Variants in TMEM106B observed in about 807,000 individuals in gnomAD.
The protein encoded by TMEM106B is transmembrane protein 106B.
A neutral mutation model predicts 31.1 loss-of-function variants in TMEM106B; 15 were observed. The observed-to-expected ratio is 0.48, with a 90% CI of 0.32 to 0.74. The LOEUF (loss-of-function observed/expected upper bound fraction) is 0.74. TMEM106B is among the 30% of genes least tolerant of loss of function. The pLI, the probability that TMEM106B is intolerant of heterozygous loss-of-function variation, is 0.03. For synonymous variants in TMEM106B, 126 were observed against 112.5 expected (o/e 1.12, Z -0.76); for missense variants, 283 against 327.3 (o/e 0.86, Z 1.04).
In TMEM106B at chr7:12,237,104, T is replaced by G. The variant is rs1782152543; in HGVS notation, c.*5129T>G. 1 of 104,654 alleles carries G rather than the reference T, an allele frequency of 9.6e-6. No individual in the cohort carries two copies. Among genetic ancestry groups the G allele is most frequent in the Middle Eastern group, 4.9e-3 (1 of 206 alleles). 6.5% of individuals were successfully genotyped at this position (104,654 alleles called of 1,614,324 possible). On this transcript the variant is annotated 3_prime_UTR_variant, in exon 8 of 8. Coordinates refer to ENST00000396668, the MANE Select transcript of TMEM106B (RefSeq NM_001134232.2). ...CTGTAATTGTAATTATTATTGCTGT[T>G]CATGTAACAAAACATGCTTATAATA...
intron 4 of TMEM106B, among the ~76,000 whole-genome samples, chr7:12,224,681 C>A (rs906415282): frequency 1.3e-5 from 2 of 152,240 alleles, no homozygotes; most frequent in African/African-American, 4.8e-5. Flanking sequence ...GCATATGACT[C>A]TGAATAACTT....
rs1782083324 is a variant in TMEM106B, at chr7:12,234,132, G to A, written c.*2157G>A. On this transcript the variant is annotated 3_prime_UTR_variant, in exon 8 of 8. Coordinates refer to ENST00000396668, the MANE Select transcript of TMEM106B (RefSeq NM_001134232.2). ...TACGCTCATACAAAAATCAATCCTT[G>A]TTTTCTTGCTTGTGTCTTTTAACCT... 1 of 151,554 alleles carries A rather than the reference G, an allele frequency of 6.6e-6. No individual in the cohort carries two copies. Among genetic ancestry groups the A allele is most frequent in the Non-Finnish European group, 1.5e-5 (1 of 67,696 alleles). The allele number at this position is 151,554 out of a possible 1,614,324, so 9.4% of individuals were successfully genotyped here.
chr7:12,223,162 C>G (rs535719827), intron 3 of TMEM106B, among the ~76,000 whole-genome samples: 1 of 152,178 alleles, frequency 6.6e-6, no homozygotes, highest in South Asian at 2.1e-4. Flanking sequence ...TTTTCCTTGT[C>G]TTATACCTGC....
At chr7:12,218,624 A>C in intron 3 of TMEM106B, 103 bp downstream of exon 3, 2 of 912,064 alleles carry the variant, frequency 2.2e-6, no homozygotes, top group South Asian at 3.5e-5. Context: ...AAAAGAAAAA[A>C]TGCTGTCACG....
Position 12,242,246 on chromosome 7 carries a change from G to A in TMEM106B, c.*10271G>A, listed in dbSNP as rs1163501712. 3 of 94,464 alleles carry A rather than the reference G, an allele frequency of 3.2e-5. 1 individual carries two copies. Among genetic ancestry groups the A allele is most frequent in the Non-Finnish European group, 5.8e-5 (3 of 51,872 alleles). The allele number at this position is 94,464 out of a possible 1,614,324, so 5.9% of individuals were successfully genotyped here. On this transcript the variant is annotated 3_prime_UTR_variant, in exon 8 of 8. Coordinates refer to ENST00000396668, the MANE Select transcript of TMEM106B (RefSeq NM_001134232.2). ...AAATTAGCCGGGCGCGGTGGCGGGC[G>A]CCTGTAGTCCCAGCTACTCGGGAGG...
At position 12,229,703 on chromosome 7, in the gene TMEM106B, A is replaced by T; in HGVS notation, c.466A>T (p.Asn156Tyr). 1 of 1,604,672 alleles carries T rather than the reference A, an allele frequency of 6.2e-7. No homozygotes were observed. Among genetic ancestry groups the T allele is most frequent in the Non-Finnish European group, 8.5e-7 (1 of 1,177,492 alleles). The change falls in exon 5 of 8, where the codon AAC (asparagine) becomes TAC (tyrosine). Residue 156 changes from asparagine to tyrosine, a missense_variant. By Grantham distance (143) the Asn-to-Tyr change is moderately radical (BLOSUM62 -2). Coordinates refer to ENST00000396668, the MANE Select transcript of TMEM106B (RefSeq NM_001134232.2). ...GAACACACTAAATATAACAAACAAT[A>T]ACTATTACTCTGTCGAAGTTGAAAA... is the stretch of plus-strand genomic sequence containing the variant. ...ITNTLNITNN[N>Y]YYSVEVENIT...
chr7:12,242,015 T>C lies in TMEM106B; in HGVS notation c.*10040T>C, dbSNP rs1397867695. On this transcript the variant is annotated 3_prime_UTR_variant, in exon 8 of 8. Coordinates refer to ENST00000396668, the MANE Select transcript of TMEM106B (RefSeq NM_001134232.2). ...ATGACCCGTGATGATGAGCTTTTTT[T>C]CATGTTTGTTGGCTGCATAAATGTC... The C allele has an allele frequency of 6.6e-6, 1 of 152,184 alleles. No individual in the cohort carries two copies. Among genetic ancestry groups the C allele is most frequent in the African/African-American group, 2.4e-5 (1 of 41,458 alleles). 9.4% of individuals were successfully genotyped at this position (152,184 alleles called of 1,614,324 possible).
intron 3 of TMEM106B, among the ~76,000 whole-genome samples, chr7:12,223,548 G>A (rs1398717377): frequency 9.2e-6 from 1 of 108,672 alleles, no homozygotes; most frequent in Non-Finnish European, 1.8e-5. Context: ...ATCATGTAAT[G>A]GCAAAACTTA....
In TMEM106B at chr7:12,234,990, A is replaced by G. The variant is rs192148748; in HGVS notation, c.*3015A>G. On this transcript the variant is annotated 3_prime_UTR_variant, in exon 8 of 8. Transcript: ENST00000396668. Reference sequence around the variant, plus strand: ...TCTCTGTCTCCCATATCTGTGTTCTATCATTTAAAATATATATTGGAAATC... The same window carrying G: ...TCTCTGTCTCCCATATCTGTGTTCTGTCATTTAAAATATATATTGGAAATC... 9.2e-5 allele frequency: 14 copies of G among 152,054 alleles called. No homozygotes were observed. Among genetic ancestry groups the G allele is most frequent in the African/African-American group, 1.2e-4 (5 of 41,548 alleles). The allele number at this position is 152,054 out of a possible 1,614,324, so 9.4% of individuals were successfully genotyped here.
At chr7:12,226,429 C>A (rs1250639920) in intron 4 of TMEM106B, among the ~76,000 whole-genome samples, 2 of 152,158 alleles carry the variant, frequency 1.3e-5, no homozygotes, top group African/African-American at 4.8e-5. Context: ...ACCTGTTTTA[C>A]ATGTTAACGT....
Position 12,233,073 on chromosome 7 carries a change from C to G in TMEM106B, c.*1098C>G, listed in dbSNP as rs1782057965. The G allele has an allele frequency of 6.6e-6, 1 of 151,760 alleles. No individual in the cohort carries two copies. The highest frequency in any genetic ancestry group is 1.9e-4 in the East Asian group (1 of 5,178). The allele number at this position is 151,760 out of a possible 1,614,324, so 9.4% of individuals were successfully genotyped here. On this transcript the variant is annotated 3_prime_UTR_variant, in exon 8 of 8. Coordinates refer to ENST00000396668, the MANE Select transcript of TMEM106B (RefSeq NM_001134232.2). ...TTAAATGATGGTGGCCAAAATAAAA[C>G]CTATTTAGAAATTTAATCACTTTGC...
At chr7:12,226,097 C>G (rs1781895531) in intron 4 of TMEM106B, among the ~76,000 whole-genome samples, 2 of 151,192 alleles carry the variant, frequency 1.3e-5, no homozygotes, top group South Asian at 4.2e-4. Flanking sequence ...TTATGACAAG[C>G]CAGTTTTCCC....
At position 12,242,727 on chromosome 7, in the gene TMEM106B, G is replaced by A. The variant is rs540269243; in HGVS notation, c.*10752G>A. 2 of 152,068 alleles carry A rather than the reference G, an allele frequency of 1.3e-5. No individual in the cohort carries two copies. The highest frequency in any genetic ancestry group is 4.2e-4 in the South Asian group (2 of 4,814). The allele number at this position is 152,068 out of a possible 1,614,324, so 9.4% of individuals were successfully genotyped here. A position where few individuals can be genotyped will look rare whatever the true frequency, so the allele number is the denominator to read the frequency against. ...CTTTCAAAACATAACCTTCTTCAAC[G>A]AGTATCTTCTTTTCCTTCCTAAAAT... is the stretch of plus-strand genomic sequence containing the variant. On this transcript the variant is annotated 3_prime_UTR_variant, in exon 8 of 8. Coordinates refer to ENST00000396668, the MANE Select transcript of TMEM106B (RefSeq NM_001134232.2).
Position 12,216,105 on chromosome 7 carries a change from G to T in TMEM106B, c.217+1078G>T, listed in dbSNP as rs566055505. On this transcript the variant is annotated intron_variant, in intron 2 of 7. Transcript: ENST00000396668. ...GGTTTGAATTGAAGTTTACATTTGC[G>T]TTGGCCTTTGAGTATGATGGTTTTA... Among the ~76,000 whole-genome samples the T allele has an allele frequency of 1.1e-4, 17 of 152,208 alleles. No homozygotes were observed. In the South Asian group the frequency reaches 1.4e-3, roughly 13 times the overall value.
Position 12,237,652 on chromosome 7 carries a change from G to C in TMEM106B, c.*5677G>C, listed in dbSNP as rs1029160682. 15 of 151,926 alleles carry C rather than the reference G, an allele frequency of 9.9e-5. No homozygotes were observed. The highest frequency in any genetic ancestry group is 3.4e-4 in the African/African-American group (14 of 41,344). The allele number at this position is 151,926 out of a possible 1,614,324, so 9.4% of individuals were successfully genotyped here. A position where few individuals can be genotyped will look rare whatever the true frequency, so the allele number is the denominator to read the frequency against. ...TCTATTAAGTGTGCAATAGCATTAT[G>C]TCGAAAAACACAATATATATGCCTT... On this transcript the variant is annotated 3_prime_UTR_variant, in exon 8 of 8. Coordinates refer to ENST00000396668, the MANE Select transcript of TMEM106B (RefSeq NM_001134232.2).
In TMEM106B at chr7:12,239,980, A is replaced by G. The variant is rs937389960; in HGVS notation, c.*8005A>G. ...CAGGATTGAAAGAAACCAATTCATC[A>G]AAACCACAATATCTGCAAAACGCAA... On this transcript the variant is annotated 3_prime_UTR_variant, in exon 8 of 8. Transcript: ENST00000396668. 2 of 152,214 alleles carry G rather than the reference A, an allele frequency of 1.3e-5. No homozygotes were observed. The highest frequency in any genetic ancestry group is 1.3e-4 in the Admixed American group (2 of 15,274). 9.4% of individuals were successfully genotyped at this position (152,214 alleles called of 1,614,324 possible).
Position 12,224,255 on chromosome 7 carries a change from T to G in TMEM106B, c.311T>G (p.Val104Gly). Residue 104 changes from valine to glycine, a missense_variant, in exon 4 of 8, where the codon GTC (valine) becomes GGC (glycine). Val to Gly is a moderately radical substitution (Grantham distance 109). Coordinates refer to ENST00000396668, the MANE Select transcript of TMEM106B (RefSeq NM_001134232.2). ...CTGTATGTGATGGCTTCTGTGTTTGTCTGTCTACTCCTTTCTGGATTGGCT... is the reference window on the plus strand; with the variant it reads ...CTGTATGTGATGGCTTCTGTGTTTGGCTGTCTACTCCTTTCTGGATTGGCT... ...TKLYVMASVF[V>G]CLLLSGLAVF... The G allele has an allele frequency of 6.2e-7, 1 of 1,613,956 alleles. No homozygotes were observed. The highest frequency in any genetic ancestry group is 8.5e-7 in the Non-Finnish European group (1 of 1,179,850).
chr7:12,220,353 G>A (rs555454364), intron 3 of TMEM106B, among the ~76,000 whole-genome samples: 56 of 152,176 alleles, frequency 3.7e-4, no homozygotes, highest in African/African-American at 1.3e-3. Flanking sequence ...AATACAAATA[G>A]CAAACTAAGT....
At position 12,240,456 on chromosome 7, in the gene TMEM106B, T is replaced by C. The variant is rs1488220956; in HGVS notation, c.*8481T>C. 6.6e-6 allele frequency: 1 copy of C among 152,188 alleles called. No individual in the cohort carries two copies. The highest frequency in any genetic ancestry group is 1.5e-5 in the Non-Finnish European group (1 of 68,032). The allele number at this position is 152,188 out of a possible 1,614,324, so 9.4% of individuals were successfully genotyped here. ...TTTAAACTTTTGTTTTCATCAACTT[T>C]TTTCAAACAATTTTTGTCAGCTTAG... On this transcript the variant is annotated 3_prime_UTR_variant, in exon 8 of 8. Transcript: ENST00000396668.
Sources: allele counts gnomAD v4.1 joint callset (sites outside exome capture counted in the v4.1 genomes callset), GRCh38; gene constraint gnomAD v4.1.1; transcripts MANE v1.5; gene names NCBI Gene and HGNC (gene_info 2026-07-23, HGNC 2026-07-21).